TIAM2: variants seen among roughly 807,000 people sequenced by gnomAD.
TIAM2 encodes rho guanine nucleotide exchange factor TIAM2.
Under a neutral mutation model 152.9 loss-of-function variants are expected in TIAM2, and 80 were observed. The ratio of observed to expected loss-of-function variants is 0.52; its 90% confidence interval spans 0.44 to 0.63. The LOEUF (loss-of-function observed/expected upper bound fraction) is 0.63. TIAM2 is among the 30% of genes least tolerant of loss of function. The probability of loss-of-function intolerance (pLI) is 0.00; values close to 1 mark genes in which losing one functional copy is unlikely to be tolerated. For synonymous variants in TIAM2, 804 were observed against 838.0 expected, an observed-to-expected ratio of 0.96 and a Z score of 0.70; for missense variants, 1,965 against 2,120.1, an observed-to-expected ratio of 0.93 and a Z score of 1.44.
chr6:155,124,837 G>C (rs1163289854), intron 2 of TIAM2, among the ~76,000 whole-genome samples: 1 of 151,838 alleles, frequency 6.6e-6, no homozygotes, highest in Non-Finnish European at 1.5e-5. Flanking sequence ...TCCTGCCAAT[G>C]GCCAAGTGGA....
intron 15 of TIAM2, among the ~76,000 whole-genome samples, chr6:155,212,491 G>GT (rs1405039919): frequency 5.9e-5 from 9 of 152,120 alleles, no homozygotes; most frequent in Admixed American, 5.9e-4. Flanking sequence ...TTCTGTATTT[G>GT]TTTTTGTCTT....
intron 14 of TIAM2, among the ~76,000 whole-genome samples, chr6:155,193,173 G>A (rs1781251628): frequency 6.6e-6 from 1 of 152,204 alleles, no homozygotes; most frequent in South Asian, 2.1e-4. Flanking sequence ...GGGAGGCCGA[G>A]GTGGGAGGAT....
At chr6:155,071,026 C>T (rs965109837) in intron 1 of TIAM2, among the ~76,000 whole-genome samples, 3 of 151,986 alleles carry the variant, frequency 2.0e-5, no homozygotes, top group Non-Finnish European at 2.9e-5. Context: ...GAAAAAAATT[C>T]GTGGGACATG....
At chr6:155,027,356 A>C (rs904867771) in intron 1 of TIAM2, among the ~76,000 whole-genome samples, 1 of 137,970 alleles carries the variant, frequency 7.2e-6, no homozygotes, top group Non-Finnish European at 1.5e-5. Flanking sequence ...ACTGTGTTAC[A>C]TATATACTAT....
chr6:155,029,579 T>C (rs1353491841), intron 1 of TIAM2, among the ~76,000 whole-genome samples: 1 of 94,990 alleles, frequency 1.1e-5, no homozygotes, highest in Non-Finnish European at 1.9e-5. Flanking sequence ...TAATAGTATA[T>C]ATAACTATAT....
chr6:155,084,011 GC>G (rs1376450077), intron 1 of TIAM2, among the ~76,000 whole-genome samples: 1 of 152,192 alleles, frequency 6.6e-6, no homozygotes, highest in East Asian at 1.9e-4. Context: ...GGTGAAGGGG[GC>G]ATAGGGCTGC....
At chr6:155,030,885 T>C (rs1776809264) in intron 1 of TIAM2, among the ~76,000 whole-genome samples, 1 of 152,144 alleles carries the variant, frequency 6.6e-6, no homozygotes, top group South Asian at 2.1e-4. Context: ...ATCTCAACTG[T>C]CTCTCGTTAG....
Position 155,169,175 on chromosome 6 carries a change from T to C in TIAM2, c.2361+3766T>C, listed in dbSNP as rs377288069. Among the ~76,000 whole-genome samples, 6 of 152,246 alleles carry C rather than the reference T, an allele frequency of 3.9e-5. No individual in the cohort carries two copies. The East Asian group carries it at 5.8e-4, about 15-fold the overall frequency. On this transcript the variant is annotated intron_variant, in intron 9 of 26. Transcript: ENST00000682666. ...CACGCCCGGCTAATTTTTTGTGTTT[T>C]TAGTAGACATGGGGTTTCACCGTGT...
At chr6:155,173,386 C>A (rs2115121683) in intron 9 of TIAM2, among the ~76,000 whole-genome samples, 1 of 152,298 alleles carries the variant, frequency 6.6e-6, no homozygotes, top group East Asian at 1.9e-4. Context: ...AGTTGTAGCA[C>A]AGCACCTTGT....
intron 2 of TIAM2, among the ~76,000 whole-genome samples, chr6:155,108,677 T>G (rs1431496896): frequency 6.6e-6 from 1 of 152,022 alleles, no homozygotes; most frequent in East Asian, 1.9e-4. Context: ...GTTAGGCTCC[T>G]TGTGAAGAGA....
At chr6:155,179,196 T>C in intron 11 of TIAM2, 53 bp downstream of exon 11, 1 of 1,535,476 alleles carries the variant, frequency 6.5e-7, no homozygotes, top group Non-Finnish European at 8.9e-7. Flanking sequence ...TATGGCCCTT[T>C]GATTTTGAAA....
chr6:155,094,738 G>GT (rs1778381632), intron 2 of TIAM2, among the ~76,000 whole-genome samples: 2 of 142,084 alleles, frequency 1.4e-5, no homozygotes, highest in South Asian at 4.5e-4. Context: ...TTTTTTTTTT[G>GT]TTTTTTTGTT....
intron 1 of TIAM2, among the ~76,000 whole-genome samples, chr6:155,028,561 A>G (rs1021511068): frequency 7.2e-6 from 1 of 139,558 alleles, no homozygotes. Context: ...TATAATATAT[A>G]TATACTGTGT....
intron 1 of TIAM2, among the ~76,000 whole-genome samples, chr6:155,043,592 C>T (rs1777094655): frequency 6.8e-6 from 1 of 146,646 alleles, no homozygotes; most frequent in Non-Finnish European, 1.5e-5. Context: ...AGCGATTGTG[C>T]CACTGCACTC....
At chr6:155,211,342 A>C in intron 15 of TIAM2, 35 bp downstream of exon 15, 1 of 1,585,052 alleles carries the variant, frequency 6.3e-7, no homozygotes, top group Non-Finnish European at 8.7e-7. Context: ...ACCAAGAACC[A>C]GGCAGGCGAG....
At chr6:155,095,670 C>T (rs1355637230) in intron 2 of TIAM2, among the ~76,000 whole-genome samples, 3 of 152,254 alleles carry the variant, frequency 2.0e-5, no homozygotes, top group Non-Finnish European at 2.9e-5. Flanking sequence ...GAAGGTTGGG[C>T]TAGATAGATG....
At chr6:155,250,688 C>T (rs970594667) in intron 21 of TIAM2, 2 of 1,433,938 alleles carry the variant, frequency 1.4e-6, no homozygotes, top group Non-Finnish European at 1.9e-6. Flanking sequence ...TGTGCGTGCA[C>T]TGGAGCAAAA....
At chr6:155,012,530 C>T (rs1376325842) in intron 1 of TIAM2, among the ~76,000 whole-genome samples, 1 of 152,116 alleles carries the variant, frequency 6.6e-6, no homozygotes, top group Non-Finnish European at 1.5e-5. Flanking sequence ...ATTTCTGATG[C>T]TATTTTATTT....
intron 1 of TIAM2, among the ~76,000 whole-genome samples, chr6:155,080,660 C>T (rs1778043391): frequency 6.6e-6 from 1 of 152,050 alleles, no homozygotes; most frequent in Admixed American, 6.5e-5. Context: ...GTCTCGAACT[C>T]CTGACCTCAT....
Sources: gnomAD v4.1 joint callset for allele counts (sites outside exome capture counted in the v4.1 genomes callset) on GRCh38, gnomAD v4.1.1 for gene constraint, MANE v1.5 for transcripts, NCBI Gene and HGNC (gene_info 2026-07-23, HGNC 2026-07-21) for gene names.